The following PALB2 variants were observed in gnomAD, a reference collection of about 807,000 sequenced individuals.
PALB2 encodes mutant partner and localizer of BRCA2.
In PALB2, 82 loss-of-function variants were observed where a neutral mutation model predicts 107.4. The observed-to-expected ratio is 0.76, with a 90% CI of 0.64 to 0.92. The LOEUF (loss-of-function observed/expected upper bound fraction) is 0.92, where lower values mean the gene tolerates loss of function less well. PALB2 is among the 40% of genes least tolerant of loss of function. The probability of loss-of-function intolerance (pLI) is 0.00; values close to 1 mark genes in which losing one functional copy is unlikely to be tolerated. For missense variants in PALB2, 1,374 were observed against 1,379.9 expected, an observed-to-expected ratio of 1.00 and a Z score of 0.07; for synonymous variants, 489 against 496.8, an observed-to-expected ratio of 0.98 and a Z score of 0.21.
At chr16:23,622,852 G>T in intron 9 of PALB2, 117 bp downstream of exon 9, 3 of 1,148,470 alleles carry the variant, frequency 2.6e-6, no homozygotes, top group Non-Finnish European at 3.9e-6. Context: ...TGCGGTACAT[G>T]CTTATATTAC....
intron 4 of PALB2, among the ~76,000 whole-genome samples, chr16:23,631,882 T>C (rs1291450640): frequency 6.6e-6 from 1 of 152,204 alleles, no homozygotes; most frequent in Non-Finnish European, 1.5e-5. Context: ...GGTCTCACTC[T>C]GTTGCCCAGG....
chr16:23,621,585 GA>G (rs200037631), intron 9 of PALB2, 107 bp from the exon 10 acceptor site: 46 of 699,988 alleles, frequency 6.6e-5, no homozygotes, highest in Middle Eastern at 2.4e-4. Flanking sequence ...CTAATATCAG[GA>G]AAAAAAAATC....
chr16:23,635,516 T>C lies in PALB2; in HGVS notation c.1030A>G (p.Asn344Asp), dbSNP rs786202850. The C allele has an allele frequency of 2.5e-6, 4 of 1,613,854 alleles. No homozygotes were observed. Among genetic ancestry groups the C allele is most frequent in the Non-Finnish European group, 3.4e-6 (4 of 1,179,906 alleles). ...TCTGTTTGATTTTGTTCTTTTAAGT[T>C]TTGGTTTTCATTTGCTGGTAAGTTA... ...YNNLPANENQ[N>D]LKEQNQTEKS... Residue 344 changes from asparagine (N) to aspartate (D), a missense_variant, in exon 4 of 13, where the codon AAC (asparagine) becomes GAC (aspartate). Physicochemically the swap from Asn to Asp is conservative, Grantham distance 23. Transcript: ENST00000261584.
chr16:23,622,378 T>A (rs184747860), intron 9 of PALB2, among the ~76,000 whole-genome samples: 1,597 of 151,880 alleles, frequency 0.011, 26 homozygotes, highest in African/African-American at 0.037. Context: ...TCTATATTTT[T>A]AAAAATATTT....
At chr16:23,631,262 A>G (rs1039656006) in intron 4 of PALB2, among the ~76,000 whole-genome samples, 12 of 140,216 alleles carry the variant, frequency 8.6e-5, no homozygotes, top group African/African-American at 2.9e-4. Context: ...CCTGGGCGAC[A>G]GAGTGAGACT....
chr16:23,622,570 AT>A (rs1453902740), intron 9 of PALB2, among the ~76,000 whole-genome samples: 1 of 151,940 alleles, frequency 6.6e-6, no homozygotes, highest in Admixed American at 6.6e-5. Flanking sequence ...TAATTTTTAA[AT>A]TTTTTGTAAA....
chr16:23,616,772 C>T (rs942791614), intron 10 of PALB2, among the ~76,000 whole-genome samples: 3 of 152,038 alleles, frequency 2.0e-5, no homozygotes, highest in Non-Finnish European at 2.9e-5. Context: ...AATGTTTTAA[C>T]GTGTTTCTTT....
At chr16:23,623,751 T>C in intron 8 of PALB2, 1 of 443,900 alleles carries the variant, frequency 2.3e-6, no homozygotes, top group South Asian at 2.2e-5. Context: ...ACTCCTGACC[T>C]CAGTTGATCC....
intron 10 of PALB2, among the ~76,000 whole-genome samples, chr16:23,616,999 A>C (rs1966695722): frequency 6.6e-6 from 1 of 152,036 alleles, no homozygotes; most frequent in Non-Finnish European, 1.5e-5. Context: ...TTTTTAGTAG[A>C]GACGGGGTTT....
intron 7 of PALB2, among the ~76,000 whole-genome samples, chr16:23,625,573 T>C (rs975703137): frequency 7.2e-5 from 11 of 151,906 alleles, no homozygotes; most frequent in African/African-American, 2.7e-4. Context: ...GGCAGGCGGA[T>C]TGCCTGAGGT....
chr16:23,620,749 G>C (rs1005869731), intron 10 of PALB2, among the ~76,000 whole-genome samples: 6 of 152,022 alleles, frequency 3.9e-5, no homozygotes, highest in Non-Finnish European at 8.8e-5. Flanking sequence ...TGATGTTGTT[G>C]GTAAGTCAAG....
At chr16:23,633,072 C>T (rs1049600859) in intron 4 of PALB2, among the ~76,000 whole-genome samples, 7 of 151,972 alleles carry the variant, frequency 4.6e-5, no homozygotes, top group Admixed American at 1.3e-4. Flanking sequence ...CTATCCGGGG[C>T]GACAAGGGTG....
At chr16:23,607,042 C>T (rs957592679) in intron 12 of PALB2, among the ~76,000 whole-genome samples, 1 of 151,888 alleles carries the variant, frequency 6.6e-6, no homozygotes, top group Non-Finnish European at 1.5e-5. Flanking sequence ...AACTCCTGAC[C>T]TCATGATGCA....
At chr16:23,606,113 T>C (rs1966468725) in intron 12 of PALB2, among the ~76,000 whole-genome samples, 1 of 152,186 alleles carries the variant, frequency 6.6e-6, no homozygotes, top group South Asian at 2.1e-4. Context: ...AAGGAAATGC[T>C]TGACCAAGCA....
In PALB2 at chr16:23,607,895, G is replaced by A. The variant is rs2142271657; in HGVS notation, c.3319C>T (p.Leu1107=). ...GCCTGCCCTGGAGGAAGACAGTACA[G>A]CATCACACCCACGCTGAGAGTCGTC... The part of the protein sequence containing the change: ...PKTTLSVGVM[L]YCLPPGQAGR... The change falls in exon 12 of 13, where the codon CTG becomes TTG. Residue 1107 remains leucine, a synonymous_variant. Transcript: ENST00000261584. 6.2e-7 allele frequency: 1 copy of A among 1,614,032 alleles called. No individual in the cohort carries two copies. Among genetic ancestry groups the A allele is most frequent in the Non-Finnish European group, 8.5e-7 (1 of 1,180,000 alleles).
chr16:23,614,491 A>G (rs1292790930), intron 10 of PALB2, among the ~76,000 whole-genome samples: 1 of 152,162 alleles, frequency 6.6e-6, no homozygotes, highest in Non-Finnish European at 1.5e-5. Context: ...AAGAGACTAC[A>G]CCTAAAAGAG....
chr16:23,631,341 T>C (rs1966876316), intron 4 of PALB2, among the ~76,000 whole-genome samples: 2 of 146,806 alleles, frequency 1.4e-5, no homozygotes, highest in South Asian at 4.3e-4. Flanking sequence ...TGGTGGTGCG[T>C]GCCTGTGATC....
chr16:23,636,268 C>G lies in PALB2; in HGVS notation c.278G>C (p.Gly93Ala), dbSNP rs761863504. 6.2e-7 allele frequency: 1 copy of G among 1,613,754 alleles called. No homozygotes were observed. The highest frequency in any genetic ancestry group is 8.5e-7 in the Non-Finnish European group (1 of 1,179,926). Residue 93 changes from glycine to alanine, a missense_variant, in exon 4 of 13, where the codon GGA becomes GCA. Coordinates refer to ENST00000261584, the MANE Select transcript of PALB2 (RefSeq NM_024675.4). Reference protein sequence around the residue: ...HIKTHLDEETGEKTSITLDVG... With the variant: ...HIKTHLDEETAEKTSITLDVG... ...ATCAAGTGTGATAGATGTCTTTTCTCCAGTTTCTTCATCAAGATGGGTTTT... is the reference window on the plus strand; with the variant it reads ...ATCAAGTGTGATAGATGTCTTTTCTGCAGTTTCTTCATCAAGATGGGTTTT...
Position 23,629,636 on chromosome 16 carries a change from G to T in PALB2, c.2514+4C>A. 6.2e-7 allele frequency: 1 copy of T among 1,613,066 alleles called. No individual in the cohort carries two copies. ...GAAAATTTCACAGAGGAAATGGATTGTACCTGTTCGACGGAATGTTTATGC... is the reference window on the plus strand; with the variant it reads ...GAAAATTTCACAGAGGAAATGGATTTTACCTGTTCGACGGAATGTTTATGC... On this transcript the variant is annotated splice_donor_region_variant and intron_variant, in intron 5 of 12. Transcript: ENST00000261584.
Sources: gnomAD v4.1 joint callset for allele counts (sites outside exome capture counted in the v4.1 genomes callset) on GRCh38, gnomAD v4.1.1 for gene constraint, MANE v1.5 for transcripts, NCBI Gene and HGNC (gene_info 2026-07-23, HGNC 2026-07-21) for gene names.